Variants in SPMIP2 observed in about 807,000 individuals in gnomAD.
SPMIP2 encodes protein SPMIP2.
chr4:158,955,204 T>G, the SPMIP2 span, among the ~76,000 whole-genome samples: 1 of 152,122 alleles, frequency 6.6e-6, no homozygotes, highest in African/African-American at 2.4e-5. Context: ...AACTGCACTG[T>G]CTCTCCATCA....
the SPMIP2 span, among the ~76,000 whole-genome samples, chr4:158,896,394 T>C: frequency 6.6e-6 from 1 of 152,092 alleles, no homozygotes; most frequent in Non-Finnish European, 1.5e-5. Context: ...ATGCCTATCA[T>C]CCTCCAGAGG....
the SPMIP2 span, among the ~76,000 whole-genome samples, chr4:159,055,255 G>A: frequency 6.6e-6 from 1 of 152,194 alleles, no homozygotes; most frequent in Admixed American, 6.5e-5. Context: ...GACATAGGGT[G>A]CTCTATAAGT....
chr4:158,987,211 G>GAAGT, the SPMIP2 span, among the ~76,000 whole-genome samples: 1 of 149,044 alleles, frequency 6.7e-6, no homozygotes, highest in African/African-American at 2.5e-5. Context: ...AACCATTGTG[G>GAAGT]AAGTCAGTGT....
chr4:159,051,549 T>C, the SPMIP2 span, among the ~76,000 whole-genome samples: 1 of 152,232 alleles, frequency 6.6e-6, no homozygotes, highest in Non-Finnish European at 1.5e-5. Flanking sequence ...ATTTATACTA[T>C]GGTTATTTCC....
the SPMIP2 span, among the ~76,000 whole-genome samples, chr4:158,975,289 A>G: frequency 5.3e-5 from 8 of 151,758 alleles, no homozygotes; most frequent in African/African-American, 1.9e-4. Context: ...CTGTATAGAA[A>G]CTGTTTAGTT....
chr4:159,034,968 T>C, the SPMIP2 span: 2 of 1,172,092 alleles, frequency 1.7e-6, no homozygotes, highest in South Asian at 1.3e-5. Context: ...TATATAAAAA[T>C]CATATATGTG....
the SPMIP2 span, among the ~76,000 whole-genome samples, chr4:158,986,304 C>T: frequency 6.6e-6 from 1 of 151,802 alleles, no homozygotes; most frequent in African/African-American, 2.4e-5. Context: ...CATATGGAAC[C>T]AAAAAAGAGC....
the SPMIP2 span, among the ~76,000 whole-genome samples, chr4:159,036,405 T>C: frequency 6.6e-6 from 1 of 152,200 alleles, no homozygotes; most frequent in Non-Finnish European, 1.5e-5. Context: ...AGGTCAAGCC[T>C]TTTCCAGGGG....
the SPMIP2 span, among the ~76,000 whole-genome samples, chr4:158,963,802 C>T: frequency 6.6e-6 from 1 of 152,048 alleles, no homozygotes; most frequent in Non-Finnish European, 1.5e-5. Context: ...CTCTCCTTGG[C>T]AAAGTGGATT....
the SPMIP2 span, among the ~76,000 whole-genome samples, chr4:159,004,543 G>A: frequency 5.3e-5 from 8 of 152,050 alleles, no homozygotes; most frequent in Admixed American, 5.2e-4. Context: ...TGCCTGCCTT[G>A]ACCTCCCAAA....
chr4:158,952,458 G>T, the SPMIP2 span, among the ~76,000 whole-genome samples: 1 of 152,280 alleles, frequency 6.6e-6, no homozygotes, highest in South Asian at 2.1e-4. Context: ...ACCATATAAG[G>T]AGACTTCCCC....
the SPMIP2 span, among the ~76,000 whole-genome samples, chr4:158,972,883 C>T: frequency 1.6e-4 from 24 of 152,318 alleles, no homozygotes; most frequent in African/African-American, 5.1e-4. Context: ...TTCCTCATAC[C>T]CTTCCCTTGA....
chr4:158,984,107 T>G, the SPMIP2 span, among the ~76,000 whole-genome samples: 1 of 128,822 alleles, frequency 7.8e-6, no homozygotes, highest in African/African-American at 2.9e-5. Context: ...ATCCTAAATA[T>G]ATATGCACCC....
chr4:158,927,413 C>T, the SPMIP2 span, among the ~76,000 whole-genome samples: 1 of 152,128 alleles, frequency 6.6e-6, no homozygotes, highest in Non-Finnish European at 1.5e-5. Context: ...ATTATGTTTT[C>T]TTCCTTTTTC....
At chr4:158,997,920 G>A in the SPMIP2 span, among the ~76,000 whole-genome samples, 2 of 152,196 alleles carry the variant, frequency 1.3e-5, no homozygotes, top group Non-Finnish European at 2.9e-5. Flanking sequence ...GCCTCCCAAA[G>A]TGCTGGGATT....
chr4:158,958,816 T>C, the SPMIP2 span, among the ~76,000 whole-genome samples: 3 of 152,180 alleles, frequency 2.0e-5, no homozygotes, highest in African/African-American at 7.2e-5. Context: ...ATTCAGGTTA[T>C]TGGTGTCTGA....
At chr4:159,055,535 G>T in the SPMIP2 span, among the ~76,000 whole-genome samples, 1 of 151,804 alleles carries the variant, frequency 6.6e-6, no homozygotes, top group African/African-American at 2.4e-5. Context: ...GGGCAAAACC[G>T]CATCTCTCCA....
the SPMIP2 span, chr4:158,937,607 C>T: frequency 6.5e-6 from 1 of 154,420 alleles, no homozygotes; most frequent in Non-Finnish European, 1.5e-5. Flanking sequence ...ATTTGAGGCA[C>T]TTAGCAGCCT....
the SPMIP2 span, among the ~76,000 whole-genome samples, chr4:159,038,417 A>G: frequency 6.6e-6 from 1 of 152,196 alleles, no homozygotes; most frequent in Non-Finnish European, 1.5e-5. Flanking sequence ...CATGTGCGTC[A>G]GGGCCATGTA....
Sources: gnomAD v4.1 joint callset for allele counts (sites outside exome capture counted in the v4.1 genomes callset) on GRCh38, gnomAD v4.1.1 for gene constraint, MANE v1.5 for transcripts, NCBI Gene and HGNC (gene_info 2026-07-23, HGNC 2026-07-21) for gene names.